CYP11B1: variants seen among roughly 807,000 people sequenced by gnomAD.
CYP11B1 encodes cytochrome P450 11B1, mitochondrial.
A neutral mutation model predicts 48.3 loss-of-function variants in CYP11B1; 34 were observed. The ratio of observed to expected loss-of-function variants is 0.70; its 90% confidence interval spans 0.54 to 0.94. The LOEUF is 0.94. CYP11B1 is among the 40% of genes least tolerant of loss of function. The pLI, the probability that CYP11B1 is intolerant of heterozygous loss-of-function variation, is 0.00. For synonymous variants in CYP11B1, 291 were observed against 262.5 expected (o/e 1.11, Z -1.05); for missense variants, 688 against 657.4 (o/e 1.05, Z -0.51).
intron 2 of CYP11B1, among the ~76,000 whole-genome samples, chr8:142,878,610 C>T (rs776305248): frequency 7.2e-5 from 11 of 152,208 alleles, no homozygotes; most frequent in Non-Finnish European, 1.0e-4. Flanking sequence ...GGACCCTGAG[C>T]GCCCTGAGGG....
In CYP11B1 at chr8:142,879,820, G is replaced by T. The variant is rs759989671; in HGVS notation, c.-7C>A. 1 of 1,612,428 alleles carries T rather than the reference G, an allele frequency of 6.2e-7. No homozygotes were observed. Among genetic ancestry groups the T allele is most frequent in the Non-Finnish European group, 8.5e-7 (1 of 1,179,384 alleles). ...CCTTTGCCCTGAGTGCCATTCCAAT[G>T]CTCCCTCCACCCTGTTCAGCTGCAA... On this transcript the variant is annotated 5_prime_UTR_variant, in exon 1 of 9. Coordinates refer to ENST00000292427, the MANE Select transcript of CYP11B1 (RefSeq NM_000497.4).
In CYP11B1 at chr8:142,879,119, A is replaced by C. The variant is rs1586561367; in HGVS notation, c.308T>G (p.Val103Gly). The C allele has an allele frequency of 7.4e-6, 12 of 1,613,858 alleles. No individual in the cohort carries two copies. Among genetic ancestry groups the C allele is most frequent in the Non-Finnish European group, 9.3e-6 (11 of 1,179,986 alleles). Reference protein sequence around the residue: ...LPEDVEKLQQVDSLHPHRMSL... With the variant: ...LPEDVEKLQQGDSLHPHRMSL... ...CATCCTGTGGGGATGCAGGCTGTCC[A>C]CCTGTTGCAGCTTCTCCACGTCCTC... The change falls in exon 2 of 9, where the codon GTG becomes GGG. Residue 103 changes from valine (V) to glycine (G), a missense_variant. Transcript: ENST00000292427.
Position 142,877,524 on chromosome 8 carries a change from C to T in CYP11B1, c.396-302G>A, listed in dbSNP as rs188817798. Among the ~76,000 whole-genome samples the T allele has an allele frequency of 9.2e-5, 14 of 152,332 alleles. No homozygotes were observed. In the East Asian group the frequency reaches 2.5e-3, roughly 27 times the overall value. The stretch of plus-strand genomic sequence containing the variant: ...CAAGTCTGGCACCACCTCACCCATG[C>T]AGGCCCTCCCTGTAGTAGGGGGGAG... On this transcript the variant is annotated intron_variant, in intron 2 of 8. Transcript: ENST00000292427.
At position 142,874,484 on chromosome 8, in the gene CYP11B1, C is replaced by A; in HGVS notation, c.1401G>T (p.Val467=). 1 of 1,609,412 alleles carries A rather than the reference C, an allele frequency of 6.2e-7. No individual in the cohort carries two copies. The highest frequency in any genetic ancestry group is 8.5e-7 in the Non-Finnish European group (1 of 1,175,690). ...GTGTCTCCACCTGGAGGTGTTTCAGCACCTAGGACAGAAGCCGGGTTTCCA... is the reference window on the plus strand; with the variant it reads ...GTGTCTCCACCTGGAGGTGTTTCAGAACCTAGGACAGAAGCCGGGTTTCCA... ...EAEMLLLLHH[V]LKHLQVETLT... The change falls in exon 9 of 9, where the codon GTG becomes GTT. Residue 467 remains valine (V), a splice_region_variant and synonymous_variant. Transcript: ENST00000292427.
Position 142,873,948 on chromosome 8 carries a change from C to T in CYP11B1, c.*425G>A, listed in dbSNP as rs1405919357. On this transcript the variant is annotated 3_prime_UTR_variant, in exon 9 of 9. Coordinates refer to ENST00000292427, the MANE Select transcript of CYP11B1 (RefSeq NM_000497.4). ...GACTGGACTCTGAGATGCTGGGATC[C>T]CGCTTAATGACTCTGACAGTCTGCG... is the stretch of plus-strand genomic sequence containing the variant. 1 of 269,512 alleles carries T rather than the reference C, an allele frequency of 3.7e-6. No individual in the cohort carries two copies. Among genetic ancestry groups the T allele is most frequent in the East Asian group, 8.2e-5 (1 of 12,174 alleles). The allele number at this position is 269,512 out of a possible 1,614,324, so 16.7% of individuals were successfully genotyped here. A position where few individuals can be genotyped will look rare whatever the true frequency, so the allele number is the denominator to read the frequency against.
rs758458518 is a variant in CYP11B1, at chr8:142,875,140, C to G, written c.1215G>C (p.Val405=). The change falls in exon 8 of 9, where the codon GTG becomes GTC. Residue 405 remains valine (V), a synonymous_variant. Transcript: ENST00000292427. ...YHIPAGTLVR[V]FLYSLGRNPA... is the part of the protein sequence containing the mutation. ...GGTTGCGACCCAGAGAGTAGAGGAA[C>G]ACGCGCACCAATGTCTGCGGACGGT... is the stretch of plus-strand genomic sequence containing the variant. The G allele has an allele frequency of 1.2e-6, 2 of 1,614,268 alleles. No individual in the cohort carries two copies. The highest frequency in any genetic ancestry group is 1.7e-5 in the Admixed American group (1 of 60,038).
chr8:142,874,713 C>A (rs1205526238), intron 8 of CYP11B1, among the ~76,000 whole-genome samples: 2 of 152,166 alleles, frequency 1.3e-5, no homozygotes, highest in Non-Finnish European at 2.9e-5. Context: ...ACCCGACTTC[C>A]CCAGTTCCCA....
chr8:142,875,687 C>G lies in CYP11B1; in HGVS notation c.1121+25G>C, dbSNP rs553707455. 465 of 1,612,710 alleles carry G rather than the reference C, an allele frequency of 2.9e-4. 7 individuals are homozygous for G. In the South Asian group the frequency reaches 4.8e-3, roughly 17 times the overall value. Reference sequence around the variant, plus strand: ...GCTCTCCAGCAGGGGGCCAGGGCCACAGGGAGGCCTCAGCCAGCACCCACC... The same window carrying G: ...GCTCTCCAGCAGGGGGCCAGGGCCAGAGGGAGGCCTCAGCCAGCACCCACC... On this transcript the variant is annotated intron_variant, in intron 6 of 8. Transcript: ENST00000292427.
In CYP11B1 at chr8:142,875,053, G is replaced by C. The variant is rs768226546; in HGVS notation, c.1302C>G (p.Ser434=). The change falls in exon 8 of 9, where the codon TCC becomes TCG. Residue 434 remains serine (S), a synonymous_variant. Transcript: ENST00000292427. ...AGGGCACGTGGTAGAAGTTCCTGCC[G>C]GAGCCCCTGATGTCTAGCCAGCGCT... ...NPQRWLDIRG[S]GRNFYHVPFG... 1.9e-5 allele frequency: 30 copies of C among 1,614,136 alleles called. No homozygotes were observed. The highest frequency in any genetic ancestry group is 2.7e-5 in the African/African-American group (2 of 74,946).
rs749018677 is a variant in CYP11B1 at position 142,875,146 on chromosome 8, C to A, written c.1209G>T (p.Val403=). ...GACCCAGAGAGTAGAGGAACACGCG[C>A]ACCAATGTCTGCGGACGGTGCAGAG... ...QNYHIPAGTL[V]RVFLYSLGRN... Residue 403 remains valine (V), a synonymous_variant, in exon 8 of 9, where the codon GTG becomes GTT. Transcript: ENST00000292427. 3.1e-6 allele frequency: 5 copies of A among 1,614,222 alleles called. No homozygotes were observed. The highest frequency in any genetic ancestry group is 4.2e-6 in the Non-Finnish European group (5 of 1,180,028).
At chr8:142,877,856 T>C (rs9657021) in intron 2 of CYP11B1, 79,221 of 1,583,204 alleles carry the variant, frequency 0.05, 6,760 homozygotes, top group African/African-American at 0.38. Flanking sequence ...AAAGCTTTAT[T>C]TATGTCCAGC....
In CYP11B1 at chr8:142,874,456, T is replaced by G. The variant is rs776579569; in HGVS notation, c.1429A>C (p.Thr477Pro). 1.6e-5 allele frequency: 26 copies of G among 1,613,888 alleles called. No individual in the cohort carries two copies. Among genetic ancestry groups the G allele is most frequent in the Non-Finnish European group, 2.2e-5 (26 of 1,179,804 alleles). Reference protein sequence around the residue: ...VLKHLQVETLTQEDIKMVYSF... With the variant: ...VLKHLQVETLPQEDIKMVYSF... The stretch of plus-strand genomic sequence containing the variant: ...TAGACCATCTTTATGTCCTCTTGGG[T>G]TAGTGTCTCCACCTGGAGGTGTTTC... Residue 477 changes from threonine to proline, a missense_variant, in exon 9 of 9, where the codon ACC becomes CCC. Transcript: ENST00000292427.
chr8:142,874,442 T>C lies in CYP11B1; in HGVS notation c.1443A>G (p.Ile481Met), dbSNP rs778584104. The C allele has an allele frequency of 1.6e-5, 26 of 1,613,934 alleles. No homozygotes were observed. The Middle Eastern group carries it at 4.9e-4, about 31-fold the overall frequency. Residue 481 changes from isoleucine to methionine, a missense_variant, in exon 9 of 9, where the codon ATA (isoleucine) becomes ATG (methionine). Coordinates refer to ENST00000292427, the MANE Select transcript of CYP11B1 (RefSeq NM_000497.4). ...LQVETLTQED[I>M]KMVYSFILRP... Reference sequence around the variant, plus strand: ...TCAATATGAAGCTGTAGACCATCTTTATGTCCTCTTGGGTTAGTGTCTCCA... The same window carrying C: ...TCAATATGAAGCTGTAGACCATCTTCATGTCCTCTTGGGTTAGTGTCTCCA...
At chr8:142,875,560 C>G in intron 6 of CYP11B1, 152 bp downstream of exon 6, 2 of 853,484 alleles carry the variant, frequency 2.3e-6, no homozygotes, top group South Asian at 1.7e-5. Flanking sequence ...AAGAAGAGCT[C>G]CCTGTCCTTG....
At position 142,872,765 on chromosome 8, in the gene CYP11B1, T is replaced by G. The variant is rs984181107; in HGVS notation, c.*1608A>C. On this transcript the variant is annotated 3_prime_UTR_variant, in exon 9 of 9. Transcript: ENST00000292427. ...TTTTTGTGTCCGCCTCCAGAATTCA[T>G]AGGCTGAAATCTAGTCACCAAGGTG... is the stretch of plus-strand genomic sequence containing the variant. 1.3e-5 allele frequency: 2 copies of G among 152,210 alleles called. No homozygotes were observed. Among genetic ancestry groups the G allele is most frequent in the Non-Finnish European group, 2.9e-5 (2 of 68,038 alleles). 9.4% of individuals were successfully genotyped at this position (152,210 alleles called of 1,614,324 possible). A position where few individuals can be genotyped will look rare whatever the true frequency, so the allele number is the denominator to read the frequency against.
chr8:142,875,195 A>G (rs1161235357), intron 7 of CYP11B1, 39 bp downstream of exon 7: 1 of 1,614,108 alleles, frequency 6.2e-7, no homozygotes. Context: ...ATGACTGGGG[A>G]GGGAGGTTCT....
At chr8:142,875,912 C>T (rs1415945986) in intron 5 of CYP11B1, 34 bp from the exon 6 acceptor site, 1 of 1,613,464 alleles carries the variant, frequency 6.2e-7, no homozygotes, top group South Asian at 1.1e-5. Flanking sequence ...TCAGACCTTG[C>T]ACAGGAGGAC....
rs754580469 is a variant in CYP11B1 at position 142,877,163 on chromosome 8, T to C, written c.455A>G (p.Asn152Ser). ...LRLNPEVLSP[N>S]AVQRFLPMVD... Reference sequence around the variant, plus strand: ...CATCGGGAGGAACCTCTGCACAGCGTTGGGCGACAGCACTTCTGGATTCAG... The same window carrying C: ...CATCGGGAGGAACCTCTGCACAGCGCTGGGCGACAGCACTTCTGGATTCAG... Residue 152 changes from asparagine (N) to serine (S), a missense_variant, in exon 3 of 9, where the codon AAC (asparagine) becomes AGC (serine). Asn to Ser is a conservative substitution (Grantham distance 46, BLOSUM62 1). Coordinates refer to ENST00000292427, the MANE Select transcript of CYP11B1 (RefSeq NM_000497.4). The C allele has an allele frequency of 2.0e-5, 32 of 1,614,172 alleles. No homozygotes were observed. Among genetic ancestry groups the C allele is most frequent in the Middle Eastern group, 1.6e-4 (1 of 6,062 alleles).
rs760339638 is a variant in CYP11B1 at position 142,875,116 on chromosome 8, G to A, written c.1239C>T (p.Asn413=). The change falls in exon 8 of 9, where the codon AAC becomes AAT. Residue 413 remains asparagine, a synonymous_variant. Transcript: ENST00000292427. ...VRVFLYSLGR[N]PALFPRPERY... ...GCTCAGGCCTCGGGAACAAGGCGGGGTTGCGACCCAGAGAGTAGAGGAACA... is the reference window on the plus strand; with the variant it reads ...GCTCAGGCCTCGGGAACAAGGCGGGATTGCGACCCAGAGAGTAGAGGAACA... 5.3e-5 allele frequency: 86 copies of A among 1,614,132 alleles called. No homozygotes were observed. The highest frequency in any genetic ancestry group is 6.4e-5 in the Non-Finnish European group (75 of 1,180,042).
Sources: allele counts gnomAD v4.1 joint callset (sites outside exome capture counted in the v4.1 genomes callset), GRCh38; gene constraint gnomAD v4.1.1; transcripts MANE v1.5; gene names NCBI Gene and HGNC (gene_info 2026-07-23, HGNC 2026-07-21).